CCT2: variants seen among roughly 807,000 people sequenced by gnomAD.
CCT2 encodes chaperonin containing TCP1 subunit 2.
CCT2 carries 18 observed loss-of-function variants against 61.8 expected under a neutral mutation model. The ratio of observed to expected loss-of-function variants is 0.29; its 90% CI spans 0.20 to 0.43. CCT2 has a LOEUF of 0.43. Ranked by LOEUF, CCT2 falls within the 20% of genes least tolerant of loss-of-function variation. The pLI is 1.00. For missense variants in CCT2, 556 were observed against 656.9 expected (o/e 0.85, Z 1.68); for synonymous variants, 248 against 215.9 (o/e 1.15, Z -1.30).
intron 3 of CCT2, 185 bp downstream of exon 3, chr12:69,587,003 A>G (rs754924106): frequency 2.5e-4 from 118 of 478,406 alleles, no homozygotes; most frequent in African/African-American, 1.4e-3. Context: ...CCCCTCCCCA[A>G]TGACAAGTAC....
chr12:69,590,805 C>T (rs1002269471), intron 7 of CCT2, among the ~76,000 whole-genome samples: 3 of 151,466 alleles, frequency 2.0e-5, no homozygotes, highest in African/African-American at 7.3e-5. Context: ...CAACCACTGC[C>T]TCCTGAGTTA....
At chr12:69,586,634 C>T in intron 2 of CCT2, 119 bp from the exon 3 acceptor site, 1 of 766,886 alleles carries the variant, frequency 1.3e-6, no homozygotes, top group African/African-American at 1.8e-5. Flanking sequence ...CGCCATTGCA[C>T]TCCAGCCTGG....
At chr12:69,586,978 A>C (rs1258006870) in intron 3 of CCT2, 160 bp downstream of exon 3, 3 of 505,220 alleles carry the variant, frequency 5.9e-6, no homozygotes, top group Non-Finnish European at 1.0e-5. Flanking sequence ...CAGAATCACC[A>C]TCCCCAATCC....
intron 15 of CCT2, 136 bp downstream of exon 15, chr12:69,600,140 C>G (rs1393455872): frequency 2.4e-6 from 2 of 836,426 alleles, no homozygotes; most frequent in Non-Finnish European, 3.5e-6. Flanking sequence ...TTTAAAATAT[C>G]ACAACTCTTA....
rs746543261 is a variant in CCT2 at position 69,598,334 on chromosome 12, A to G, written c.1348A>G (p.Ile450Val). Residue 450 changes from isoleucine (I) to valine (V), a missense_variant, in exon 14 of 16, where the codon ATA becomes GTA. By Grantham distance (29) the Ile-to-Val change is conservative (BLOSUM62 3). This residue lies in a region of CCT2 where 225 missense variants were observed against 249.8 expected (regional missense o/e 0.90). Coordinates refer to ENST00000299300, the MANE Select transcript of CCT2 (RefSeq NM_006431.3). ...AKALRMLPTI[I>V]ADNAGYDSAD... is the part of the protein sequence containing the mutation. ...TTCATTTTCATAGTTGCCAACCATCATAGCTGACAATGCAGGCTATGACAG... is the reference window on the plus strand; with the variant it reads ...TTCATTTTCATAGTTGCCAACCATCGTAGCTGACAATGCAGGCTATGACAG... 6.3e-7 allele frequency: 1 copy of G among 1,587,686 alleles called. No homozygotes were observed. The highest frequency in any genetic ancestry group is 1.4e-5 in the African/African-American group (1 of 73,776).
chr12:69,600,502 T>G (rs1882117901), intron 15 of CCT2, among the ~76,000 whole-genome samples: 1 of 152,228 alleles, frequency 6.6e-6, no homozygotes, highest in Admixed American at 6.5e-5. Context: ...CTGAGTAATT[T>G]GCAATAAAGA....
rs1456881503 is a variant in CCT2, at chr12:69,601,402, T to C, written c.*77T>C. The C allele has an allele frequency of 1.9e-6, 3 of 1,613,228 alleles. No homozygotes were observed. The highest frequency in any genetic ancestry group is 2.7e-5 in the African/African-American group (2 of 74,904). ...TGAAAGATACTCTATTAAAGAAGAC[T>C]GTGGAATCTGTTTATCGGTGCCCAT... On this transcript the variant is annotated 3_prime_UTR_variant, in exon 16 of 16. Transcript: ENST00000299300.
chr12:69,598,431 C>A lies in CCT2; in HGVS notation c.1435+10C>A, dbSNP rs767750672. On this transcript the variant is annotated intron_variant, in intron 14 of 15. Transcript: ENST00000299300. The stretch of plus-strand genomic sequence containing the variant: ...ACCACTGCTGGATTGGGTAAGCAAT[C>A]AAGGGGAACTTTGTGGCCGTTGTTA... 2.6e-6 allele frequency: 4 copies of A among 1,526,480 alleles called. No homozygotes were observed. The South Asian group carries it at 5.2e-5, about 20-fold the overall frequency. The allele number at this position is 1,526,480 out of a possible 1,614,324, so 94.6% of individuals were successfully genotyped here. A position where few individuals can be genotyped will look rare whatever the true frequency, so the allele number is the denominator to read the frequency against.
At chr12:69,585,690 C>A (rs1209539953) in intron 1 of CCT2, 166 bp downstream of exon 1, 2 of 1,504,856 alleles carry the variant, frequency 1.3e-6, no homozygotes, top group East Asian at 2.5e-5. Flanking sequence ...CCAGGCCAGC[C>A]GGTGGAGCTC....
At position 69,593,116 on chromosome 12, in the gene CCT2, T is replaced by C. The variant is rs753399620; in HGVS notation, c.878+13T>C. On this transcript the variant is annotated intron_variant, in intron 9 of 15. Transcript: ENST00000299300. ...GCTTTATTAACAGGTCTGTGTTTGCTTTTAAGAAAGGATTTTTTTCCATGA... is the reference window on the plus strand; with the variant it reads ...GCTTTATTAACAGGTCTGTGTTTGCCTTTAAGAAAGGATTTTTTTCCATGA... The C allele has an allele frequency of 1.2e-6, 2 of 1,600,804 alleles. No homozygotes were observed. The highest frequency in any genetic ancestry group is 8.5e-7 in the Non-Finnish European group (1 of 1,174,670).
intron 14 of CCT2, among the ~76,000 whole-genome samples, chr12:69,599,551 C>G (rs1882089221): frequency 6.6e-6 from 1 of 151,934 alleles, no homozygotes; most frequent in African/African-American, 2.4e-5. Context: ...CCATGCCCGG[C>G]TAATTTTTTA....
chr12:69,600,478 T>G (rs1278378707), intron 15 of CCT2, among the ~76,000 whole-genome samples: 1 of 152,364 alleles, frequency 6.6e-6, no homozygotes, highest in East Asian at 1.9e-4. Context: ...TCAGGTATCT[T>G]TTATTAGCAA....
intron 6 of CCT2, among the ~76,000 whole-genome samples, chr12:69,588,638 G>C (rs1031750212): frequency 9.9e-5 from 15 of 152,170 alleles, no homozygotes; most frequent in African/African-American, 3.6e-4. Context: ...TATCTGTAGG[G>C]GGAGATTTGT....
chr12:69,600,059 C>T, intron 15 of CCT2, 55 bp downstream of exon 15: 1 of 1,460,522 alleles, frequency 6.8e-7, no homozygotes, highest in Non-Finnish European at 9.3e-7. Context: ...AAATAGGGAG[C>T]TGTATTTATT....
chr12:69,586,907 A>C lies in CCT2; in HGVS notation c.144+89A>C, dbSNP rs549435937. 16 of 803,482 alleles carry C rather than the reference A, an allele frequency of 2.0e-5. No homozygotes were observed. The Admixed American group carries it at 4.2e-4, about 21-fold the overall frequency. The allele number at this position is 803,482 out of a possible 1,614,324, so 49.8% of individuals were successfully genotyped here. On this transcript the variant is annotated intron_variant, in intron 3 of 15. Coordinates refer to ENST00000299300, the MANE Select transcript of CCT2 (RefSeq NM_006431.3). ...AACAAGCGTATTAAAATGCTTTTTA[A>C]TCTTTAAAACGTTTAATTATAAAAG...
chr12:69,585,783 G>A (rs547602714), intron 1 of CCT2: 4 of 1,385,674 alleles, frequency 2.9e-6, no homozygotes, highest in East Asian at 2.7e-5. Flanking sequence ...CCAGGTCCGC[G>A]CCTCACCCGG....
intron 6 of CCT2, among the ~76,000 whole-genome samples, chr12:69,588,780 ACAGCAGGTGAG>A (rs1881745627): frequency 6.6e-6 from 1 of 152,236 alleles, no homozygotes; most frequent in African/African-American, 2.4e-5. Flanking sequence ...CCTGGGCTGC[ACAGCAGGTGAG>A]CAGCAGGTGG....
intron 6 of CCT2, among the ~76,000 whole-genome samples, chr12:69,588,765 C>G (rs1176366798): frequency 1.3e-5 from 2 of 152,238 alleles, no homozygotes; most frequent in South Asian, 2.1e-4. Context: ...TAAGGCACCC[C>G]CAAACCTGGG....
chr12:69,601,390 ATTAAAGAAG>A lies in CCT2; in HGVS notation c.*66_*74del. ...CAAAGTTGTGTTTGAAAGATACTCT[ATTAAAGAAG>A]ACTGTGGAATCTGTTTATCGGTGCC... On this transcript the variant is annotated 3_prime_UTR_variant, in exon 16 of 16. Coordinates refer to ENST00000299300, the MANE Select transcript of CCT2 (RefSeq NM_006431.3). 6.2e-7 allele frequency: 1 copy of A among 1,613,712 alleles called. No individual in the cohort carries two copies. Among genetic ancestry groups the A allele is most frequent in the Non-Finnish European group, 8.5e-7 (1 of 1,179,824 alleles).
Sources: gnomAD v4.1 joint callset for allele counts (sites outside exome capture counted in the v4.1 genomes callset) on GRCh38, gnomAD v4.1.1 for gene constraint, gnomAD v4.1.1 regional missense constraint, MANE v1.5 for transcripts, NCBI Gene and HGNC (gene_info 2026-07-23, HGNC 2026-07-21) for gene names.